NEDD9: variants seen among roughly 807,000 people sequenced by gnomAD.
NEDD9 encodes the protein neural precursor cell expressed, developmentally down-regulated 9, also known as enhancer of filamentation 1.
Under a neutral mutation model 76.6 loss-of-function variants are expected in NEDD9, and 26 were observed. The observed-to-expected ratio is 0.34, with a 90% CI of 0.25 to 0.47. NEDD9 has a LOEUF of 0.47. Ranked by LOEUF, NEDD9 falls within the 20% of genes least tolerant of loss-of-function variation. NEDD9 has a pLI of 1.00. For missense variants in NEDD9, 937 were observed against 1,058.5 expected (o/e 0.89, Z 1.59); for synonymous variants, 392 against 414.2 (o/e 0.95, Z 0.65).
At chr6:11,243,695 T>C (rs185191745) in intron 3 of NEDD9, among the ~76,000 whole-genome samples, 206 of 152,366 alleles carry the variant, frequency 1.4e-3, no homozygotes, top group African/African-American at 4.7e-3. Flanking sequence ...TTCAGTCTTC[T>C]TTTCAGGAGC....
intron 1 of NEDD9, among the ~76,000 whole-genome samples, chr6:11,352,979 T>C (rs1412208507): frequency 6.6e-6 from 1 of 152,256 alleles, no homozygotes; most frequent in African/African-American, 2.4e-5. Context: ...CAAGCACAAA[T>C]GTGTCCTTGG....
In NEDD9 at chr6:11,339,347, TCAAAA is replaced by T. The variant is rs562796533; in HGVS notation, c.-213-4791_-213-4787del. ...ATACATTCTCAGCTGACTTTCTCAA[TCAAAA>T]CAAACAGCATTTCCAAGGTAATCAC... On this transcript the variant is annotated intron_variant, in intron 1 of 3. Transcript: ENST00000397378. Among the ~76,000 whole-genome samples the T allele has an allele frequency of 4.3e-3, 651 of 152,328 alleles. 2 individuals carry two copies. Among genetic ancestry groups the T allele is most frequent in the African/African-American group, 0.015 (618 of 41,576 alleles).
rs141832038 is a variant in NEDD9, at chr6:11,288,348, G to A, written c.12+17644C>T. The stretch of plus-strand genomic sequence containing the variant: ...GCTTAGGGTGGAGTCAGCACACCAC[G>A]TCAGATATAATTAAATTCGTCTATA... On this transcript the variant is annotated intron_variant, in intron 3 of 3. Transcript: ENST00000397378. 7.2e-5 allele frequency among the ~76,000 whole-genome samples: 11 copies of A among 152,298 alleles called. No homozygotes were observed. In the East Asian group the frequency reaches 1.2e-3, roughly 16 times the overall value.
At chr6:11,329,772 T>C (rs1378320769) in intron 2 of NEDD9, among the ~76,000 whole-genome samples, 1 of 151,878 alleles carries the variant, frequency 6.6e-6, no homozygotes, top group African/African-American at 2.4e-5. Flanking sequence ...GGGGGGGCGG[T>C]GGCTGTTACT....
chr6:11,352,429 C>G (rs1371132817), intron 1 of NEDD9: 2 of 152,190 alleles, frequency 1.3e-5, no homozygotes, highest in African/African-American at 2.4e-5. Flanking sequence ...TTGCCCATTC[C>G]CCTGAGAACA....
chr6:11,223,405 AT>A (rs1176785947), intron 1 of NEDD9, among the ~76,000 whole-genome samples: 1 of 152,084 alleles, frequency 6.6e-6, no homozygotes, highest in Non-Finnish European at 1.5e-5. Context: ...AAGCACAGTT[AT>A]TATTACTGCG....
Position 11,188,279 on chromosome 6 carries a change from T to C in NEDD9, c.1934A>G (p.Lys645Arg), listed in dbSNP as rs768897642. The change falls in exon 6 of 7, where the codon AAA becomes AGA. Residue 645 changes from lysine (K) to arginine (R), a missense_variant. Lys to Arg is a conservative substitution (Grantham distance 26). Transcript: ENST00000379446. ...QGKEEFERQQKELLEKENIMK... is the reference protein window; with the variant it reads ...QGKEEFERQQRELLEKENIMK... The stretch of plus-strand genomic sequence containing the variant: ...GATATTCTCTTTTTCCAATAGCTCT[T>C]TCTGTTGCCTCTCAAACTCCTCCTT... 8 of 1,614,152 alleles carry C rather than the reference T, an allele frequency of 5.0e-6. No homozygotes were observed. The South Asian group carries it at 7.7e-5, about 16-fold the overall frequency.
chr6:11,217,129 C>G (rs550705718), intron 1 of NEDD9, among the ~76,000 whole-genome samples: 9 of 152,166 alleles, frequency 5.9e-5, no homozygotes, highest in Admixed American at 5.9e-4. Flanking sequence ...GTTGGACTTT[C>G]GAAAAGATTT....
intron 2 of NEDD9, chr6:11,200,032 C>T: frequency 5.4e-6 from 1 of 186,098 alleles, no homozygotes; most frequent in South Asian, 9.1e-5. Context: ...CTAGGTCAAA[C>T]TTTGGGAGAA....
At chr6:11,328,365 T>A (rs1218623282) in intron 2 of NEDD9, among the ~76,000 whole-genome samples, 1 of 152,238 alleles carries the variant, frequency 6.6e-6, no homozygotes, top group African/African-American at 2.4e-5. Flanking sequence ...ATTACTTGGA[T>A]CCTGTAACAG....
chr6:11,337,835 G>A (rs773450488), intron 1 of NEDD9, among the ~76,000 whole-genome samples: 1 of 152,202 alleles, frequency 6.6e-6, no homozygotes, highest in South Asian at 2.1e-4. Flanking sequence ...AGTTAAGCAA[G>A]TTTAAGCTCT....
chr6:11,344,856 T>C (rs1762335462), intron 1 of NEDD9, among the ~76,000 whole-genome samples: 1 of 152,150 alleles, frequency 6.6e-6, no homozygotes, highest in African/African-American at 2.4e-5. Flanking sequence ...CTCCACCCAT[T>C]ACAGAGTCAG....
chr6:11,186,867 C>T lies in NEDD9; in HGVS notation c.1996-1196G>A, dbSNP rs1364641702. On this transcript the variant is annotated intron_variant, in intron 6 of 6. Coordinates refer to ENST00000379446, the MANE Select transcript of NEDD9 (RefSeq NM_006403.4). ...TCCTGACCTCATGATCCGCCCGTCT[C>T]GGCCTCCCAAAGTGCTGGGATTACA... Among the ~76,000 whole-genome samples the T allele has an allele frequency of 2.0e-5, 3 of 152,150 alleles. No homozygotes were observed. The South Asian group carries it at 6.2e-4, about 32-fold the overall frequency.
chr6:11,293,161 G>C lies in NEDD9; in HGVS notation c.12+12831C>G, dbSNP rs576325729. On this transcript the variant is annotated intron_variant, in intron 3 of 3. Coordinates refer to the NEDD9 transcript ENST00000397378. ...CAAATGCTTTTTAAATGCCTTCTTT[G>C]TGTCAAGCATTGTTGCTAGACAATC... is the stretch of plus-strand genomic sequence containing the variant. Among the ~76,000 whole-genome samples, 7 of 150,744 alleles carry C rather than the reference G, an allele frequency of 4.6e-5. No individual in the cohort carries two copies. The South Asian group carries it at 1.5e-3, about 32-fold the overall frequency.
intron 3 of NEDD9, among the ~76,000 whole-genome samples, chr6:11,260,383 A>G (rs1011553168): frequency 1.3e-5 from 2 of 152,242 alleles, no homozygotes; most frequent in African/African-American, 4.8e-5. Context: ...TCAAATCCAG[A>G]GTCTGTCACA....
intron 1 of NEDD9, among the ~76,000 whole-genome samples, chr6:11,344,241 A>G (rs1386284405): frequency 1.3e-5 from 2 of 152,240 alleles, no homozygotes; most frequent in Non-Finnish European, 2.9e-5. Flanking sequence ...TGTGAGCGCA[A>G]TTCCACAGTT....
intron 2 of NEDD9, among the ~76,000 whole-genome samples, chr6:11,324,952 A>C (rs886854802): frequency 6.6e-6 from 1 of 152,230 alleles, no homozygotes; most frequent in Non-Finnish European, 1.5e-5. Context: ...AAACAACTTA[A>C]ACTGAAAATG....
At position 11,249,554 on chromosome 6, in the gene NEDD9, T is replaced by A. The variant is rs969675615; in HGVS notation, c.13-35827A>T. Reference sequence around the variant, plus strand: ...TCTCATCCCATTAGCCAGATCTTGGTCACATGGTCACAGCTAGCTGCAAGG... The same window carrying A: ...TCTCATCCCATTAGCCAGATCTTGGACACATGGTCACAGCTAGCTGCAAGG... On this transcript the variant is annotated intron_variant, in intron 3 of 3. Coordinates refer to the NEDD9 transcript ENST00000397378. Among the ~76,000 whole-genome samples the A allele has an allele frequency of 3.3e-5, 5 of 152,140 alleles. 1 individual carries two copies. Among genetic ancestry groups the A allele is most frequent in the Non-Finnish European group, 7.4e-5 (5 of 67,984 alleles).
intron 3 of NEDD9, among the ~76,000 whole-genome samples, chr6:11,302,459 C>T (rs935898402): frequency 7.9e-5 from 12 of 152,158 alleles, no homozygotes; most frequent in Non-Finnish European, 1.8e-4. Flanking sequence ...TGGTACCATT[C>T]CTTCTGAAAC....
Sources: allele counts gnomAD v4.1 joint callset (sites outside exome capture counted in the v4.1 genomes callset), GRCh38; gene constraint gnomAD v4.1.1; transcripts MANE v1.5; gene names NCBI Gene and HGNC (gene_info 2026-07-23, HGNC 2026-07-21).